FAM135B: variants seen among roughly 807,000 people sequenced by gnomAD.
The protein encoded by FAM135B is protein FAM135B.
A neutral mutation model predicts 127.7 loss-of-function variants in FAM135B; 43 were observed. The ratio of observed to expected loss-of-function variants is 0.34; its 90% CI spans 0.26 to 0.43. The LOEUF (loss-of-function observed/expected upper bound fraction) is 0.43. FAM135B is among the 20% of genes least tolerant of loss of function. FAM135B has a pLI of 1.00. For synonymous variants in FAM135B, 670 were observed against 665.1 expected, an observed-to-expected ratio of 1.01 and a Z score of -0.11; for missense variants, 1,558 against 1,725.6, an observed-to-expected ratio of 0.90 and a Z score of 1.72.
At chr8:138,393,719 C>G (rs970065541) in intron 1 of FAM135B, among the ~76,000 whole-genome samples, 5 of 152,210 alleles carry the variant, frequency 3.3e-5, no homozygotes, top group Non-Finnish European at 5.9e-5. Flanking sequence ...CTTAGCACCC[C>G]CACTGTCCTC....
chr8:138,389,609 T>C (rs1194269870), intron 1 of FAM135B, among the ~76,000 whole-genome samples: 3 of 152,182 alleles, frequency 2.0e-5, no homozygotes, highest in Non-Finnish European at 4.4e-5. Context: ...ATAGATATCC[T>C]GACCAAGACA....
At chr8:138,230,219 T>A (rs1819808610) in intron 7 of FAM135B, among the ~76,000 whole-genome samples, 1 of 152,146 alleles carries the variant, frequency 6.6e-6, no homozygotes, top group African/African-American at 2.4e-5. Context: ...CACAATCTAT[T>A]TCACTCTTTT....
chr8:138,386,762 C>G (rs1005385420), intron 1 of FAM135B, among the ~76,000 whole-genome samples: 11 of 152,192 alleles, frequency 7.2e-5, no homozygotes, highest in African/African-American at 1.2e-4. Context: ...CCTCCCTGGT[C>G]ATGATGAGAC....
intron 1 of FAM135B, among the ~76,000 whole-genome samples, chr8:138,394,094 C>T (rs1363384007): frequency 1.3e-5 from 2 of 152,132 alleles, no homozygotes; most frequent in African/African-American, 4.8e-5. Flanking sequence ...GGACTGTGGT[C>T]CTTCAGCAAA....
intron 2 of FAM135B, among the ~76,000 whole-genome samples, chr8:138,338,870 A>T (rs377530832): frequency 3.3e-5 from 5 of 152,148 alleles, no homozygotes; most frequent in African/African-American, 1.2e-4. Context: ...CAAATGTCCA[A>T]CAATGGTAGA....
At position 138,404,045 on chromosome 8, in the gene FAM135B, C is replaced by A. The variant is rs1046082944; in HGVS notation, c.-19-36043G>T. Among the ~76,000 whole-genome samples, 7 of 152,070 alleles carry A rather than the reference C, an allele frequency of 4.6e-5. 1 individual carries two copies. The South Asian group carries it at 1.5e-3, about 32-fold the overall frequency. ...AAGAAAATTATAGGTAATCTTACAC[C>A]ATTTTGAGTGATTTTCTTATATTCA... On this transcript the variant is annotated intron_variant, in intron 1 of 19. Coordinates refer to ENST00000395297, the MANE Select transcript of FAM135B (RefSeq NM_015912.4).
chr8:138,311,868 C>A (rs1467672635), intron 2 of FAM135B, among the ~76,000 whole-genome samples: 1 of 152,120 alleles, frequency 6.6e-6, no homozygotes, highest in Non-Finnish European at 1.5e-5. Context: ...TTCATAGCTG[C>A]AGCATGAGTG....
chr8:138,314,263 C>T (rs1057152040), intron 2 of FAM135B, among the ~76,000 whole-genome samples: 1 of 152,112 alleles, frequency 6.6e-6, no homozygotes, highest in Non-Finnish European at 1.5e-5. Flanking sequence ...GAAATGTGAC[C>T]AGAGGCTCAC....
chr8:138,155,357 AC>A (rs1818622162), intron 12 of FAM135B, among the ~76,000 whole-genome samples: 1 of 152,246 alleles, frequency 6.6e-6, no homozygotes. Flanking sequence ...AATTGTAAAG[AC>A]CATCGATGCT....
intron 1 of FAM135B, among the ~76,000 whole-genome samples, chr8:138,445,005 T>C (rs1427620365): frequency 3.9e-5 from 6 of 152,220 alleles, no homozygotes; most frequent in African/African-American, 1.2e-4. Flanking sequence ...CAAACTACCA[T>C]CAGAGAATAC....
rs1586780095 is a variant in FAM135B, at chr8:138,209,054, G to A, written c.670-11385C>T. On this transcript the variant is annotated intron_variant, in intron 7 of 19. Transcript: ENST00000395297. Reference sequence around the variant, plus strand: ...TTCATATTAGAAGCATTGTGGTTGGGTTTCTATATATTCCTCAGCAATCAA... The same window carrying A: ...TTCATATTAGAAGCATTGTGGTTGGATTTCTATATATTCCTCAGCAATCAA... 1.3e-5 allele frequency among the ~76,000 whole-genome samples: 2 copies of A among 152,080 alleles called. 1 individual carries two copies. Among genetic ancestry groups the A allele is most frequent in the South Asian group, 4.1e-4 (2 of 4,828 alleles).
intron 3 of FAM135B, chr8:138,309,059 T>C (rs1826471275): frequency 2.3e-6 from 1 of 436,762 alleles, no homozygotes; most frequent in Admixed American, 2.8e-5. Context: ...GTCCTTTTTA[T>C]TTATAATTTC....
At chr8:138,230,980 G>T (rs1303471268) in intron 7 of FAM135B, among the ~76,000 whole-genome samples, 2 of 151,970 alleles carry the variant, frequency 1.3e-5, no homozygotes, top group South Asian at 2.1e-4. Context: ...ACTTTTTCAA[G>T]AATTTCTAAT....
At chr8:138,294,322 A>C (rs530997603) in intron 3 of FAM135B, among the ~76,000 whole-genome samples, 1 of 152,272 alleles carries the variant, frequency 6.6e-6, no homozygotes, top group South Asian at 2.1e-4. Context: ...GGTATGCTAA[A>C]ATCTCAGACT....
Position 138,242,839 on chromosome 8 carries a change from A to T in FAM135B, c.669+103T>A. On this transcript the variant is annotated intron_variant, in intron 7 of 19. Transcript: ENST00000395297. This position sits in a 1 kb window ranked among gnomAD's most constrained non-coding sequence, Gnocchi z 9.6. The stretch of plus-strand genomic sequence containing the variant: ...GAAAGGAAGGGTCAAATTAGCAAAA[A>T]TCTCTGAAGGGGATGTTTCAAAGAA... 6.9e-7 allele frequency: 1 copy of T among 1,457,550 alleles called. No individual in the cohort carries two copies. Among genetic ancestry groups the T allele is most frequent in the Non-Finnish European group, 9.1e-7 (1 of 1,095,084 alleles). 90.3% of individuals were successfully genotyped at this position (1,457,550 alleles called of 1,614,324 possible).
chr8:138,437,444 C>A (rs148968610), intron 1 of FAM135B: 2 of 152,242 alleles, frequency 1.3e-5, no homozygotes, highest in African/African-American at 4.8e-5. Context: ...AGGGGCTCTT[C>A]CCCCTTCACT....
intron 1 of FAM135B, among the ~76,000 whole-genome samples, chr8:138,449,178 A>T (rs1483582688): frequency 6.6e-6 from 1 of 152,230 alleles, no homozygotes; most frequent in Non-Finnish European, 1.5e-5. Flanking sequence ...CAAATGGGTG[A>T]GAAAGGCATT....
intron 11 of FAM135B, among the ~76,000 whole-genome samples, chr8:138,171,939 G>A (rs1171653026): frequency 6.6e-6 from 1 of 152,162 alleles, no homozygotes; most frequent in Non-Finnish European, 1.5e-5. Context: ...TATACAGGTG[G>A]AGGTGTGCAT....
chr8:138,184,981 C>A (rs975934516), intron 9 of FAM135B, among the ~76,000 whole-genome samples: 1 of 152,132 alleles, frequency 6.6e-6, no homozygotes, highest in Admixed American at 6.5e-5. Context: ...TTTCTCAAAC[C>A]AGCTGCCTCC....
Sources: allele counts gnomAD v4.1 joint callset (sites outside exome capture counted in the v4.1 genomes callset), GRCh38; gene constraint gnomAD v4.1.1; non-coding constraint Gnocchi (gnomAD v3.1); transcripts MANE v1.5; gene names NCBI Gene and HGNC (gene_info 2026-07-23, HGNC 2026-07-21).